Variants in TTLL5 observed in about 807,000 individuals in gnomAD.
The protein encoded by TTLL5 is tubulin tyrosine ligase like 5.
TTLL5 carries 132 observed loss-of-function variants against 168.4 expected under a neutral mutation model. The ratio of observed to expected loss-of-function variants is 0.78; its 90% CI spans 0.68 to 0.91. The LOEUF (loss-of-function observed/expected upper bound fraction) is 0.91, where lower values mean the gene tolerates loss of function less well. Ranked by LOEUF, TTLL5 falls within the 40% of genes least tolerant of loss-of-function variation. The pLI is 0.00. For missense variants in TTLL5, 1,545 were observed against 1,581.5 expected (o/e 0.98, Z 0.39); for synonymous variants, 546 against 558.6 (o/e 0.98, Z 0.32).
At chr14:75,858,099 G>A (rs931823168) in intron 28 of TTLL5, among the ~76,000 whole-genome samples, 8 of 152,154 alleles carry the variant, frequency 5.3e-5, no homozygotes, top group African/African-American at 1.9e-4. Context: ...TATTGGACCT[G>A]GGGGCTGCGG....
At chr14:75,677,709 T>C (rs1190451165) in intron 3 of TTLL5, among the ~76,000 whole-genome samples, 2 of 151,818 alleles carry the variant, frequency 1.3e-5, no homozygotes, top group South Asian at 2.1e-4. Flanking sequence ...CTTTGAACTC[T>C]TGGGCTCAAG....
intron 31 of TTLL5, among the ~76,000 whole-genome samples, chr14:75,948,739 T>G (rs2034857734): frequency 6.6e-6 from 1 of 151,464 alleles, no homozygotes; most frequent in Non-Finnish European, 1.5e-5. Flanking sequence ...GAGGAATGAG[T>G]TAGGGACATT....
intron 18 of TTLL5, among the ~76,000 whole-genome samples, chr14:75,761,731 T>A (rs910762144): frequency 6.6e-6 from 1 of 152,188 alleles, no homozygotes; most frequent in Non-Finnish European, 1.5e-5. Flanking sequence ...AACTTCTGAG[T>A]TGATACTAAT....
Position 75,669,425 on chromosome 14 carries a change from A to G in TTLL5, c.84A>G (p.Pro28=), listed in dbSNP as rs1207561311. Residue 28 remains proline (P), a synonymous_variant, in exon 3 of 32, where the codon CCA becomes CCG. Coordinates refer to ENST00000298832, the MANE Select transcript of TTLL5 (RefSeq NM_015072.5). ...DEEVISQEDH[P]CIMWTGGCRR... is the part of the protein sequence containing the mutation. The stretch of plus-strand genomic sequence containing the variant: ...TTTTTTGTCGTTATAGGGATCATCC[A>G]TGCATCATGTGGACTGGAGGCTGCA... The G allele has an allele frequency of 2.5e-6, 4 of 1,613,804 alleles. No individual in the cohort carries two copies. Among genetic ancestry groups the G allele is most frequent in the Non-Finnish European group, 3.4e-6 (4 of 1,179,872 alleles).
At chr14:75,707,183 G>A in intron 8 of TTLL5, 96 bp downstream of exon 8, 1 of 956,428 alleles carries the variant, frequency 1.0e-6, no homozygotes, top group Non-Finnish European at 1.6e-6. Flanking sequence ...TTATTATACT[G>A]TTGTGAAATT....
At chr14:75,869,013 A>AGTGTGAGT (rs2030776834) in intron 29 of TTLL5, among the ~76,000 whole-genome samples, 1 of 124,418 alleles carries the variant, frequency 8.0e-6, no homozygotes, top group African/African-American at 3.1e-5. Flanking sequence ...AGAGGGGAGG[A>AGTGTGAGT]GTGTGTGTGT....
rs79394989 is a variant in TTLL5, at chr14:75,843,519, T to C, written c.3327-20148T>C. Among the ~76,000 whole-genome samples, 263 of 152,344 alleles carry C rather than the reference T, an allele frequency of 1.7e-3. 3 individuals are homozygous for C. The highest frequency in any genetic ancestry group is 6.2e-3 in the African/African-American group (257 of 41,578). On this transcript the variant is annotated intron_variant, in intron 28 of 31. Transcript: ENST00000298832. The stretch of plus-strand genomic sequence containing the variant: ...AAGTTCATCTTACACAAGAAGGAAA[T>C]GAAATCTTATTTTTTGTTGTCAACT...
chr14:75,757,784 T>G (rs924936840), intron 18 of TTLL5: 1 of 1,550,162 alleles, frequency 6.5e-7, no homozygotes, highest in African/African-American at 1.4e-5. Context: ...TAAGAGAGAC[T>G]ACCTGAATAG....
chr14:75,928,748 G>C (rs1020863869), intron 31 of TTLL5, among the ~76,000 whole-genome samples: 2 of 152,128 alleles, frequency 1.3e-5, no homozygotes, highest in African/African-American at 4.8e-5. Flanking sequence ...TGTCCCCTTA[G>C]TTGTGATAGG....
chr14:75,822,885 C>T (rs913039957), intron 28 of TTLL5, among the ~76,000 whole-genome samples: 3 of 152,290 alleles, frequency 2.0e-5, no homozygotes, highest in Admixed American at 6.5e-5. Context: ...AAAGAGCCCA[C>T]GACTTGCCCA....
intron 31 of TTLL5, among the ~76,000 whole-genome samples, chr14:75,951,862 C>T (rs2140223245): frequency 6.6e-6 from 1 of 152,254 alleles, no homozygotes; most frequent in Non-Finnish European, 1.5e-5. Context: ...AAGCAAAGAA[C>T]TTCTAAAATT....
intron 15 of TTLL5, among the ~76,000 whole-genome samples, chr14:75,740,492 G>C (rs1011872069): frequency 2.6e-5 from 4 of 152,170 alleles, no homozygotes; most frequent in Admixed American, 6.5e-5. Context: ...AGTGGTTTGG[G>C]TAAGTTTTGT....
In TTLL5 at chr14:75,826,933, C is replaced by G. The variant is rs147023828; in HGVS notation, c.3326+6772C>G. 1.2e-3 allele frequency among the ~76,000 whole-genome samples: 70 copies of G among 57,168 alleles called. No homozygotes were observed. The East Asian group carries it at 0.038, about 31-fold the overall frequency. 37.5% of individuals were successfully genotyped at this position (57,168 alleles called of 152,430 possible). A position where few individuals can be genotyped will look rare whatever the true frequency, so the allele number is the denominator to read the frequency against. On this transcript the variant is annotated intron_variant, in intron 28 of 31. Coordinates refer to ENST00000298832, the MANE Select transcript of TTLL5 (RefSeq NM_015072.5). ...CCTGATCCTTTAACTAACCCACCTG[C>G]CCTTCTCGCTGCTAAAAGACTCTCA...
intron 29 of TTLL5, among the ~76,000 whole-genome samples, chr14:75,867,557 C>T (rs765474846): frequency 5.3e-5 from 8 of 151,826 alleles, no homozygotes; most frequent in Non-Finnish European, 7.4e-5. Context: ...GTCAGGAGTT[C>T]GAGACCAGCC....
At chr14:75,854,812 C>T (rs1346103563) in intron 28 of TTLL5, among the ~76,000 whole-genome samples, 1 of 152,082 alleles carries the variant, frequency 6.6e-6, no homozygotes, top group African/African-American at 2.4e-5. Context: ...ATTGACTGTT[C>T]CAATCTTTTA....
chr14:75,803,726 C>T (rs2140372850), intron 27 of TTLL5, among the ~76,000 whole-genome samples: 2 of 152,260 alleles, frequency 1.3e-5, no homozygotes, highest in South Asian at 4.1e-4. Flanking sequence ...GTCGTGGTGG[C>T]CAATAGGGTA....
chr14:75,694,669 G>C (rs889517301), intron 6 of TTLL5, among the ~76,000 whole-genome samples: 3 of 152,180 alleles, frequency 2.0e-5, no homozygotes, highest in African/African-American at 4.8e-5. Context: ...TGAGCGGAGG[G>C]ACTGGCTGAA....
intron 29 of TTLL5, among the ~76,000 whole-genome samples, chr14:75,875,985 T>C (rs955483611): frequency 1.3e-5 from 2 of 152,248 alleles, no homozygotes; most frequent in Admixed American, 6.5e-5. Context: ...GTGTGTGTGA[T>C]CAAACAGTGC....
chr14:75,928,463 G>A (rs1032524962), intron 31 of TTLL5, among the ~76,000 whole-genome samples: 2 of 148,106 alleles, frequency 1.4e-5, no homozygotes, highest in Admixed American at 1.4e-4. Flanking sequence ...AGCTTTTATG[G>A]CAAAACACAC....
Sources: gnomAD v4.1 joint callset for allele counts (sites outside exome capture counted in the v4.1 genomes callset) on GRCh38, gnomAD v4.1.1 for gene constraint, MANE v1.5 for transcripts, NCBI Gene and HGNC (gene_info 2026-07-23, HGNC 2026-07-21) for gene names.